The following BANK1 variants were observed in gnomAD, a reference collection of about 807,000 sequenced individuals.
BANK1 encodes the protein B-cell scaffold protein with ankyrin repeats.
A neutral mutation model predicts 94.5 loss-of-function variants in BANK1; 95 were observed. The observed-to-expected ratio is 1.00, with a 90% CI of 0.85 to 1.19. The LOEUF is 1.19. Ranked by LOEUF, BANK1 falls within the 50% of genes most tolerant of loss-of-function variation. The probability of loss-of-function intolerance (pLI) is 0.00; values close to 1 mark genes in which losing one functional copy is unlikely to be tolerated. For synonymous variants in BANK1, 334 were observed against 308.4 expected, an observed-to-expected ratio of 1.08 and a Z score of -0.87; for missense variants, 987 against 932.2, an observed-to-expected ratio of 1.06 and a Z score of -0.77.
chr4:101,807,868 G>A (rs1199925226), intron 1 of BANK1, among the ~76,000 whole-genome samples: 1 of 151,950 alleles, frequency 6.6e-6, no homozygotes, highest in Non-Finnish European at 1.5e-5. Context: ...ATCACCTGAG[G>A]TCAGGAGTTC....
At chr4:101,977,765 T>C (rs1430362630) in intron 7 of BANK1, among the ~76,000 whole-genome samples, 1 of 152,172 alleles carries the variant, frequency 6.6e-6, no homozygotes, top group Non-Finnish European at 1.5e-5. Flanking sequence ...GTCACTTATA[T>C]TATTTCTCCA....
At chr4:101,893,748 A>G (rs1360352183) in intron 5 of BANK1, among the ~76,000 whole-genome samples, 2 of 152,076 alleles carry the variant, frequency 1.3e-5, no homozygotes, top group Non-Finnish European at 1.5e-5. Flanking sequence ...CTACATAAAC[A>G]ATCATAATTA....
chr4:101,918,271 C>A lies in BANK1; in HGVS notation c.1206+82C>A, dbSNP rs535999730. On this transcript the variant is annotated intron_variant, in intron 7 of 16. Coordinates refer to ENST00000322953, the MANE Select transcript of BANK1 (RefSeq NM_017935.5). ...ACTGTAAGAAGAAAAAACCTATTAC[C>A]TTTACCGTTTTCTTTAAGACTCTAG... The A allele has an allele frequency of 3.6e-4, 348 of 969,482 alleles. 1 individual carries two copies. The highest frequency in any genetic ancestry group is 1.9e-3 in the Middle Eastern group (6 of 3,166). The allele number at this position is 969,482 out of a possible 1,614,324, so 60.1% of individuals were successfully genotyped here.
At chr4:101,987,724 T>C (rs1257155483) in intron 7 of BANK1, among the ~76,000 whole-genome samples, 2 of 152,178 alleles carry the variant, frequency 1.3e-5, no homozygotes, top group East Asian at 3.9e-4. Context: ...CTCTGTTATC[T>C]TACTTTCATT....
rs764438579 is a variant in BANK1 at position 101,870,505 on chromosome 4, A to T, written c.764A>T (p.Glu255Val). The T allele has an allele frequency of 2.5e-6, 4 of 1,609,830 alleles. No individual in the cohort carries two copies. In the Admixed American group the frequency reaches 6.8e-5, roughly 27 times the overall value. Residue 255 changes from glutamate to valine, a missense_variant and splice_region_variant, in exon 5 of 17, where the codon GAG becomes GTG. Transcript: ENST00000322953. ...NKKVWCMKAL[E>V]FPAGSVHVNV... ...CTAACCCTTGTTTGTTTTTCATAAG[A>T]GTTTCCTGCTGGTTCAGTCCATGTC...
At chr4:101,918,246 A>G (rs2148900226) in intron 7 of BANK1, 57 bp downstream of exon 7, 1 of 1,239,896 alleles carries the variant, frequency 8.1e-7, no homozygotes, top group Middle Eastern at 2.3e-4. Context: ...TGTAGAAGAG[A>G]CTGTAAGAAG....
rs1289369718 is a variant in BANK1 at position 101,895,430 on chromosome 4, A to G, written c.1009+20A>G. 2 of 1,391,228 alleles carry G rather than the reference A, an allele frequency of 1.4e-6. No homozygotes were observed. Among genetic ancestry groups the G allele is most frequent in the East Asian group, 4.7e-5 (2 of 42,820 alleles). The allele number at this position is 1,391,228 out of a possible 1,614,324, so 86.2% of individuals were successfully genotyped here. Reference sequence around the variant, plus strand: ...ACAAATGTGAGTATTTTCCAGCTGCATCAATTATTCTTTTTATCACATTCC... The same window carrying G: ...ACAAATGTGAGTATTTTCCAGCTGCGTCAATTATTCTTTTTATCACATTCC... On this transcript the variant is annotated intron_variant, in intron 6 of 16. Transcript: ENST00000322953.
chr4:101,987,116 T>C (rs1161457090), intron 7 of BANK1, among the ~76,000 whole-genome samples: 3 of 151,656 alleles, frequency 2.0e-5, no homozygotes, highest in Non-Finnish European at 4.4e-5. Context: ...TTAGTATACA[T>C]GCTGTTGTCT....
chr4:101,802,302 G>T (rs1725379530), intron 1 of BANK1, among the ~76,000 whole-genome samples: 1 of 152,152 alleles, frequency 6.6e-6, no homozygotes, highest in African/African-American at 2.4e-5. Context: ...TATGAATAAA[G>T]CTTTAGTGAC....
intron 1 of BANK1, among the ~76,000 whole-genome samples, chr4:101,805,729 A>T (rs933910291): frequency 6.6e-5 from 10 of 151,738 alleles, no homozygotes; most frequent in Non-Finnish European, 1.2e-4. Context: ...CCACATGAAC[A>T]GCCTCAGAGT....
In BANK1 at chr4:101,867,540, A is replaced by G. The variant is rs114678817; in HGVS notation, c.764-2965A>G. Reference sequence around the variant, plus strand: ...CATTTTCCTTATTTTTAATTGATCTAAAAGATAAATGTGTGTCTGAAGTAA... The same window carrying G: ...CATTTTCCTTATTTTTAATTGATCTGAAAGATAAATGTGTGTCTGAAGTAA... On this transcript the variant is annotated intron_variant, in intron 4 of 16. Transcript: ENST00000322953. 3.1e-3 allele frequency among the ~76,000 whole-genome samples: 468 copies of G among 152,140 alleles called. 3 individuals carry two copies. The highest frequency in any genetic ancestry group is 0.011 in the African/African-American group (452 of 41,556).
intron 2 of BANK1, among the ~76,000 whole-genome samples, chr4:101,852,236 A>G (rs903047519): frequency 3.3e-5 from 5 of 151,840 alleles, no homozygotes; most frequent in Non-Finnish European, 5.9e-5. Flanking sequence ...GTTGTAGAGT[A>G]GGAAAATAGA....
At chr4:101,915,392 G>A (rs1351874473) in intron 6 of BANK1, among the ~76,000 whole-genome samples, 1 of 151,956 alleles carries the variant, frequency 6.6e-6, no homozygotes, top group East Asian at 1.9e-4. Context: ...TAGAATTTTG[G>A]TATTTAAGTA....
intron 6 of BANK1, among the ~76,000 whole-genome samples, chr4:101,901,539 G>A (rs1458563751): frequency 1.3e-5 from 2 of 152,134 alleles, no homozygotes; most frequent in African/African-American, 2.4e-5. Flanking sequence ...CAGATATTGG[G>A]AAAGGTATGA....
chr4:102,029,852 A>G (rs1281706600), intron 9 of BANK1, 108 bp from the exon 10 acceptor site: 22 of 969,058 alleles, frequency 2.3e-5, no homozygotes, highest in Non-Finnish European at 2.8e-5. Context: ...ACTGTTTCCT[A>G]CGGCACTTGA....
chr4:101,816,757 C>T (rs2148856977), intron 1 of BANK1, among the ~76,000 whole-genome samples: 1 of 152,166 alleles, frequency 6.6e-6, no homozygotes, highest in African/African-American at 2.4e-5. Context: ...AATATTATTT[C>T]TTACAACCAA....
At chr4:101,854,163 G>T in intron 2 of BANK1, among the ~76,000 whole-genome samples, 1 of 152,016 alleles carries the variant, frequency 6.6e-6, no homozygotes, top group East Asian at 1.9e-4. Flanking sequence ...GGGTTTCAGG[G>T]CTGCTTTTGG....
intron 7 of BANK1, among the ~76,000 whole-genome samples, chr4:102,013,265 T>A (rs1413777519): frequency 1.3e-5 from 2 of 152,122 alleles, no homozygotes; most frequent in Non-Finnish European, 2.9e-5. Flanking sequence ...ATCTCATCCA[T>A]AGCCAACTTC....
chr4:102,022,704 A>G (rs1726956284), intron 8 of BANK1, among the ~76,000 whole-genome samples: 1 of 152,300 alleles, frequency 6.6e-6, no homozygotes, highest in African/African-American at 2.4e-5. Flanking sequence ...TCTACACTTC[A>G]TGAAAGGACT....
Sources: gnomAD v4.1 joint callset for allele counts (sites outside exome capture counted in the v4.1 genomes callset) on GRCh38, gnomAD v4.1.1 for gene constraint, MANE v1.5 for transcripts, NCBI Gene and HGNC (gene_info 2026-07-23, HGNC 2026-07-21) for gene names.